The following HMGCS2 variants were observed in gnomAD, a reference collection of about 807,000 sequenced individuals.
HMGCS2 encodes hydroxymethylglutaryl-CoA synthase, mitochondrial.
In HMGCS2, 50 loss-of-function variants were observed where a neutral mutation model predicts 57.4. That is an observed-to-expected ratio of 0.87 (90% CI 0.69 to 1.10). The LOEUF (loss-of-function observed/expected upper bound fraction) is 1.10. HMGCS2 is among the 50% of genes least tolerant of loss of function. The pLI, the probability that HMGCS2 is intolerant of heterozygous loss-of-function variation, is 0.00. For missense variants in HMGCS2, 627 were observed against 636.5 expected (o/e 0.99, Z 0.16); for synonymous variants, 254 against 245.1 (o/e 1.04, Z -0.34).
At chr1:119,752,950 G>A (rs1198267947) in intron 7 of HMGCS2, among the ~76,000 whole-genome samples, 4 of 152,074 alleles carry the variant, frequency 2.6e-5, no homozygotes, top group Admixed American at 6.5e-5. Context: ...TTCTTATTAG[G>A]TATCTCAAAT....
At chr1:119,766,099 C>A (rs886249285) in intron 1 of HMGCS2, among the ~76,000 whole-genome samples, 1 of 152,162 alleles carries the variant, frequency 6.6e-6, no homozygotes, top group African/African-American at 2.4e-5. Context: ...CTCTTTAACC[C>A]AGATTCTTAA....
chr1:119,767,454 C>T (rs1653272841), intron 1 of HMGCS2, among the ~76,000 whole-genome samples: 1 of 152,084 alleles, frequency 6.6e-6, no homozygotes, highest in African/African-American at 2.4e-5. Flanking sequence ...TATAGGGGAG[C>T]AGGGAGACAA....
chr1:119,768,300 A>C (rs1195026184), intron 1 of HMGCS2, among the ~76,000 whole-genome samples: 1 of 152,244 alleles, frequency 6.6e-6, no homozygotes, highest in Admixed American at 6.5e-5. Flanking sequence ...AACACAAGGC[A>C]AACACAGCTT....
At chr1:119,749,869 A>G (rs1652593400) in intron 9 of HMGCS2, among the ~76,000 whole-genome samples, 1 of 152,170 alleles carries the variant, frequency 6.6e-6, no homozygotes, top group African/African-American at 2.4e-5. Context: ...ATTAAAATTT[A>G]TGGGTTGTAA....
chr1:119,760,644 T>G (rs1653005591), intron 2 of HMGCS2, among the ~76,000 whole-genome samples: 1 of 152,226 alleles, frequency 6.6e-6, no homozygotes, highest in Non-Finnish European at 1.5e-5. Flanking sequence ...ATAATCAGAC[T>G]AGTATTCAAT....
At chr1:119,753,144 C>A in intron 7 of HMGCS2, 136 bp downstream of exon 7, 2 of 703,622 alleles carry the variant, frequency 2.8e-6, no homozygotes, top group South Asian at 3.2e-5. Flanking sequence ...ATGCTTAAAT[C>A]CCTTCAGTGA....
intron 6 of HMGCS2, among the ~76,000 whole-genome samples, chr1:119,754,058 A>AT (rs35162300): frequency 2.0e-3 from 268 of 136,704 alleles, no homozygotes; most frequent in Middle Eastern, 0.011. Flanking sequence ...CACCCAGCTA[A>AT]TTTTTTTTTT....
chr1:119,754,751 G>A (rs587646928), intron 6 of HMGCS2, among the ~76,000 whole-genome samples: 1 of 152,262 alleles, frequency 6.6e-6, no homozygotes, highest in Non-Finnish European at 1.5e-5. Flanking sequence ...TTGAACCCAG[G>A]TTGTGGGCTC....
intron 3 of HMGCS2, chr1:119,759,559 C>T (rs1652964888): frequency 1.4e-5 from 8 of 576,182 alleles, no homozygotes; most frequent in Admixed American, 3.0e-5. Context: ...ACTTTATATC[C>T]AGTTATATAT....
intron 9 of HMGCS2, among the ~76,000 whole-genome samples, chr1:119,750,575 C>T (rs1259153074): frequency 6.6e-6 from 1 of 152,198 alleles, no homozygotes; most frequent in Non-Finnish European, 1.5e-5. Context: ...TGTGAACCCT[C>T]CCTGGCCTGG....
chr1:119,768,067 A>G (rs1181080048), intron 1 of HMGCS2, among the ~76,000 whole-genome samples: 1 of 152,212 alleles, frequency 6.6e-6, no homozygotes, highest in African/African-American at 2.4e-5. Flanking sequence ...ACTAGTCCCA[A>G]TGTGTAGTGG....
rs751009381 is a variant in HMGCS2 at position 119,759,158 on chromosome 1, G to A, written c.810C>T (p.Tyr270=). The change falls in exon 4 of 10, where the codon TAC becomes TAT. Residue 270 remains tyrosine (Y), a synonymous_variant. Transcript: ENST00000369406. The part of the protein sequence containing the change: ...QCYLRALDRC[Y]TSYRKKIQNQ... ...TCTGGATTTTTTTACGGTATGATGT[G>A]TAACATCGATCCAAGGCCCGCAAGT... The A allele has an allele frequency of 1.9e-6, 3 of 1,614,158 alleles. No homozygotes were observed. The highest frequency in any genetic ancestry group is 3.3e-5 in the Admixed American group (2 of 60,030).
chr1:119,761,142 AG>A (rs1273268513), intron 2 of HMGCS2, among the ~76,000 whole-genome samples: 1 of 148,032 alleles, frequency 6.8e-6, no homozygotes, highest in African/African-American at 2.4e-5. Flanking sequence ...GTATATATTT[AG>A]TATATATAAA....
chr1:119,759,139 T>G lies in HMGCS2; in HGVS notation c.829A>C (p.Ile277Leu), dbSNP rs760913527. The change falls in exon 4 of 10, where the codon ATC (isoleucine) becomes CTC (leucine). Residue 277 changes from isoleucine to leucine, a missense_variant. By Grantham distance (5) the Ile-to-Leu change is conservative. Transcript: ENST00000369406. Reference protein sequence around the residue: ...DRCYTSYRKKIQNQWKQAGSD... With the variant: ...DRCYTSYRKKLQNQWKQAGSD... Reference sequence around the variant, plus strand: ...ATACCTTGCTTCCACTGATTCTGGATTTTTTTACGGTATGATGTGTAACAT... The same window carrying G: ...ATACCTTGCTTCCACTGATTCTGGAGTTTTTTACGGTATGATGTGTAACAT... The G allele has an allele frequency of 4.3e-6, 7 of 1,614,156 alleles. No homozygotes were observed. The East Asian group carries it at 1.6e-4, about 36-fold the overall frequency.
At position 119,758,570 on chromosome 1, in the gene HMGCS2, T is replaced by C. The variant is rs753958026; in HGVS notation, c.850+548A>G. On this transcript the variant is annotated intron_variant, in intron 4 of 9. Coordinates refer to ENST00000369406, the MANE Select transcript of HMGCS2 (RefSeq NM_005518.4). ...ATTTTAAAAGGAAGATTTATTTGCT[T>C]ATTTTCTGCTTATGAAAGCAGTACA... Among the ~76,000 whole-genome samples, 8 of 152,360 alleles carry C rather than the reference T, an allele frequency of 5.3e-5. No homozygotes were observed. In the South Asian group the frequency reaches 8.3e-4, roughly 16 times the overall value.
At chr1:119,766,563 A>G (rs926079731) in intron 1 of HMGCS2, among the ~76,000 whole-genome samples, 1 of 152,160 alleles carries the variant, frequency 6.6e-6, no homozygotes, top group Non-Finnish European at 1.5e-5. Flanking sequence ...AGAGGTTTGG[A>G]GTTTATTTAT....
In HMGCS2 at chr1:119,764,229, C is replaced by A; in HGVS notation, c.502G>T (p.Gly168Cys). The A allele has an allele frequency of 6.2e-7, 1 of 1,614,028 alleles. No homozygotes were observed. Among genetic ancestry groups the A allele is most frequent in the Middle Eastern group, 1.7e-4 (1 of 5,956 alleles). Residue 168 changes from glycine to cysteine, a missense_variant, in exon 2 of 10, where the codon GGT (glycine) becomes TGT (cysteine). Transcript: ENST00000369406. ...GCATTGAAGAGGGAGGCAGTACCAC[C>A]GTAGCAGGCATTGGTGGTATCTATG... The part of the protein sequence containing the change: ...EGIDTTNACY[G>C]GTASLFNAAN...
chr1:119,757,511 A>C, intron 4 of HMGCS2, 73 bp from the exon 5 acceptor site: 1 of 1,608,706 alleles, frequency 6.2e-7, no homozygotes, highest in Non-Finnish European at 8.5e-7. Context: ...CTGAGATTTA[A>C]CTGTGCCGAG....
chr1:119,751,211 G>A (rs2101245690), intron 8 of HMGCS2, among the ~76,000 whole-genome samples: 1 of 152,242 alleles, frequency 6.6e-6, no homozygotes, highest in South Asian at 2.1e-4. Context: ...CCATCCTTTT[G>A]CCAATAGTTC....
Sources: gnomAD v4.1 joint callset for allele counts (sites outside exome capture counted in the v4.1 genomes callset) on GRCh38, gnomAD v4.1.1 for gene constraint, MANE v1.5 for transcripts, NCBI Gene and HGNC (gene_info 2026-07-23, HGNC 2026-07-21) for gene names.